The following STAC variants were observed in gnomAD, a reference collection of about 807,000 sequenced individuals.
STAC encodes SH3 and cysteine rich domain, also known as SH3 and cysteine-rich domain-containing protein.
A neutral mutation model predicts 48.8 loss-of-function variants in STAC; 43 were observed. The ratio of observed to expected loss-of-function variants is 0.88; its 90% CI spans 0.69 to 1.14. The LOEUF is 1.14. STAC is among the 50% of genes most tolerant of loss of function. The pLI is 0.00. For missense variants in STAC, 497 were observed against 504.0 expected, an observed-to-expected ratio of 0.99 and a Z score of 0.13; for synonymous variants, 193 against 179.5, an observed-to-expected ratio of 1.07 and a Z score of -0.60.
intron 2 of STAC, among the ~76,000 whole-genome samples, chr3:36,466,157 C>T (rs1697162903): frequency 6.6e-6 from 1 of 152,156 alleles, no homozygotes; most frequent in African/African-American, 2.4e-5. Context: ...AATAGGATGT[C>T]TTTTCTCCAC....
At chr3:36,452,792 C>A (rs1298646758) in intron 2 of STAC, among the ~76,000 whole-genome samples, 3 of 152,152 alleles carry the variant, frequency 2.0e-5, no homozygotes, top group Admixed American at 6.5e-5. Flanking sequence ...TGGGAAGTAG[C>A]AAAGGAAAGG....
intron 1 of STAC, among the ~76,000 whole-genome samples, chr3:36,426,273 C>T (rs1284701967): frequency 6.6e-6 from 1 of 152,170 alleles, no homozygotes. Context: ...TCTCCCTGTT[C>T]ATTTGGCAAA....
At chr3:36,525,776 C>A (rs760222306) in intron 8 of STAC, among the ~76,000 whole-genome samples, 5 of 152,002 alleles carry the variant, frequency 3.3e-5, no homozygotes, top group Non-Finnish European at 7.4e-5. Context: ...TCGCTTTCTG[C>A]GGCATCAGCA....
At chr3:36,501,842 A>G (rs1698290396) in intron 6 of STAC, among the ~76,000 whole-genome samples, 1 of 152,176 alleles carries the variant, frequency 6.6e-6, no homozygotes, top group African/African-American at 2.4e-5. Flanking sequence ...TGAAACCCAA[A>G]CAAGGATATC....
At chr3:36,476,455 G>C (rs1196772687) in intron 2 of STAC, among the ~76,000 whole-genome samples, 1 of 152,178 alleles carries the variant, frequency 6.6e-6, no homozygotes, top group Non-Finnish European at 1.5e-5. Flanking sequence ...CCCTCAAGAG[G>C]CGTGACCCAG....
intron 5 of STAC, among the ~76,000 whole-genome samples, chr3:36,489,940 A>C (rs921920728): frequency 1.3e-5 from 2 of 152,202 alleles, no homozygotes; most frequent in African/African-American, 4.8e-5. Context: ...TAGAAATGCA[A>C]ATTTGGGTTT....
At chr3:36,525,625 T>G (rs1698913137) in intron 8 of STAC, among the ~76,000 whole-genome samples, 1 of 152,198 alleles carries the variant, frequency 6.6e-6, no homozygotes, top group Admixed American at 6.5e-5. Context: ...GCAAAGTCAT[T>G]GTGTTTGATA....
At chr3:36,492,031 A>AATATATATATATATATATATATAT (rs11267408) in intron 5 of STAC, among the ~76,000 whole-genome samples, 4 of 16,436 alleles carry the variant, frequency 2.4e-4, no homozygotes, top group Non-Finnish European at 3.5e-4. Context: ...AAAAAAAAAA[A>AATATATATATATATATATATATAT]ATATATATAT....
Position 36,441,280 on chromosome 3 carries a change from TCTA to T in STAC, c.112-2081_112-2079del, listed in dbSNP as rs544470891. On this transcript the variant is annotated intron_variant, in intron 1 of 10. Transcript: ENST00000273183. ...CTTGCCAGTCTCTAGTATCCTCTGT[TCTA>T]CTTTTAACTTCTACGAGATCAACTT... Among the ~76,000 whole-genome samples the T allele has an allele frequency of 5.6e-4, 85 of 152,302 alleles. No homozygotes were observed. In the Middle Eastern group the frequency reaches 0.01, roughly 18 times the overall value.
At chr3:36,441,741 G>C (rs1361740303) in intron 1 of STAC, among the ~76,000 whole-genome samples, 1 of 152,034 alleles carries the variant, frequency 6.6e-6, no homozygotes, top group Non-Finnish European at 1.5e-5. Flanking sequence ...CCTTTTCTCT[G>C]CATTTGTTAT....
chr3:36,393,375 T>C (rs1209698638), intron 1 of STAC, among the ~76,000 whole-genome samples: 1 of 152,058 alleles, frequency 6.6e-6, no homozygotes, highest in Non-Finnish European at 1.5e-5. Flanking sequence ...CCGGTGCTTC[T>C]GGAGAAAGCA....
At position 36,444,634 on chromosome 3, in the gene STAC, T is replaced by G. The variant is rs554504822; in HGVS notation, c.388+994T>G. 5.3e-5 allele frequency among the ~76,000 whole-genome samples: 8 copies of G among 152,320 alleles called. No individual in the cohort carries two copies. In the South Asian group the frequency reaches 1.7e-3, roughly 32 times the overall value. On this transcript the variant is annotated intron_variant, in intron 2 of 10. Transcript: ENST00000273183. The stretch of plus-strand genomic sequence containing the variant: ...TTAAGTTATGTGGCCAAATCCATAG[T>G]CAAGACAGGGGCAACCCCCTAGCCC...
intron 8 of STAC, among the ~76,000 whole-genome samples, chr3:36,523,863 G>A (rs721111): frequency 0.01 from 1,592 of 152,230 alleles, 27 homozygotes; most frequent in African/African-American, 0.035. Context: ...TGATGACATC[G>A]CACAACACAC....
chr3:36,418,708 A>T (rs1347672975), intron 1 of STAC, among the ~76,000 whole-genome samples: 1 of 151,392 alleles, frequency 6.6e-6, no homozygotes, highest in African/African-American at 2.4e-5. Context: ...ATATCAAAGT[A>T]TTTTACTACT....
intron 10 of STAC, among the ~76,000 whole-genome samples, chr3:36,544,582 C>T (rs1699402597): frequency 6.6e-6 from 1 of 152,170 alleles, no homozygotes; most frequent in South Asian, 2.1e-4. Flanking sequence ...ATGTTTTGTG[C>T]TCCCTTTGTA....
At chr3:36,398,400 A>AG (rs1699914088) in intron 1 of STAC, among the ~76,000 whole-genome samples, 4 of 139,310 alleles carry the variant, frequency 2.9e-5, no homozygotes, top group Non-Finnish European at 4.7e-5. Flanking sequence ...AAGAGAGGTA[A>AG]AGAGAAAGAG....
intron 8 of STAC, among the ~76,000 whole-genome samples, chr3:36,524,215 C>T (rs34328673): frequency 0.014 from 2,187 of 152,164 alleles, 24 homozygotes; most frequent in South Asian, 0.038. Context: ...TGTTGGGGTG[C>T]GGACTTAGTC....
chr3:36,429,813 A>T (rs973518599), intron 1 of STAC, among the ~76,000 whole-genome samples: 2 of 152,084 alleles, frequency 1.3e-5, no homozygotes, highest in African/African-American at 4.8e-5. Context: ...ACGTACCCAC[A>T]TGGTTTCTTG....
intron 2 of STAC, among the ~76,000 whole-genome samples, chr3:36,456,076 C>T (rs1559498723): frequency 1.3e-5 from 2 of 151,716 alleles, no homozygotes; most frequent in South Asian, 2.1e-4. Flanking sequence ...CGCACACACA[C>T]ACACACACTC....
Sources: allele counts gnomAD v4.1 joint callset (sites outside exome capture counted in the v4.1 genomes callset), GRCh38; gene constraint gnomAD v4.1.1; transcripts MANE v1.5; gene names NCBI Gene and HGNC (gene_info 2026-07-23, HGNC 2026-07-21).